The following BARX2 variants were observed in gnomAD, a reference collection of about 807,000 sequenced individuals.
BARX2 encodes homeobox protein BarH-like 2.
A neutral mutation model predicts 25.5 loss-of-function variants in BARX2; 11 were observed. That is an observed-to-expected ratio of 0.43 (90% CI 0.27 to 0.71). BARX2 has a LOEUF of 0.71. BARX2 is among the 30% of genes least tolerant of loss of function. BARX2 has a pLI of 0.19. For synonymous variants in BARX2, 137 were observed against 149.5 expected (o/e 0.92, Z 0.61); for missense variants, 360 against 359.9 (o/e 1.00, Z 0.00).
Position 129,376,630 on chromosome 11 carries a change from GC to G in BARX2, c.187+410del, listed in dbSNP as rs1205520617. On this transcript the variant is annotated intron_variant, in intron 1 of 3. Transcript: ENST00000281437. This position sits in a 1 kb window ranked among gnomAD's most constrained non-coding sequence, Gnocchi z 4.2. ...ATCTCACCTTGAGTTAACTTGTCCA[GC>G]CTCCTACTGTCTCCACTGTGAATTT... 2.0e-5 allele frequency among the ~76,000 whole-genome samples: 3 copies of G among 152,238 alleles called. No individual in the cohort carries two copies.
intron 3 of BARX2, among the ~76,000 whole-genome samples, chr11:129,445,899 C>T (rs927922058): frequency 6.6e-6 from 1 of 151,796 alleles, no homozygotes; most frequent in Non-Finnish European, 1.5e-5. Context: ...TGTTTAGGTA[C>T]CAGGGAGGAA....
intron 3 of BARX2, among the ~76,000 whole-genome samples, chr11:129,443,882 G>A (rs777359288): frequency 1.1e-4 from 16 of 152,052 alleles, no homozygotes; most frequent in Non-Finnish European, 2.2e-4. Context: ...AAGCCCTGCT[G>A]TTCTCTGGAG....
intron 1 of BARX2, among the ~76,000 whole-genome samples, chr11:129,426,346 A>C (rs1481198898): frequency 2.0e-5 from 3 of 150,736 alleles, no homozygotes; most frequent in African/African-American, 7.3e-5. Flanking sequence ...TACTTTAACC[A>C]CCCTGTATCT....
intron 1 of BARX2, among the ~76,000 whole-genome samples, chr11:129,409,600 A>G (rs1329828411): frequency 6.6e-6 from 1 of 152,212 alleles, no homozygotes; most frequent in African/African-American, 2.4e-5. Flanking sequence ...AAGAGCTGGT[A>G]AAGGTTAAGT....
intron 1 of BARX2, among the ~76,000 whole-genome samples, chr11:129,383,569 G>A (rs1197414653): frequency 6.6e-6 from 1 of 152,192 alleles, no homozygotes; most frequent in East Asian, 1.9e-4. Context: ...TCTGAAAAGG[G>A]CCCCTGCCAG....
At chr11:129,386,959 A>C (rs893871110) in intron 1 of BARX2, among the ~76,000 whole-genome samples, 1 of 152,212 alleles carries the variant, frequency 6.6e-6, no homozygotes, top group Non-Finnish European at 1.5e-5. Context: ...ATCTGTGGCC[A>C]GGGTGGCCAG....
chr11:129,410,495 T>C (rs1387555991), intron 1 of BARX2, among the ~76,000 whole-genome samples: 1 of 152,228 alleles, frequency 6.6e-6, no homozygotes, highest in Non-Finnish European at 1.5e-5. Context: ...TTTCCTCAGA[T>C]GTTTAGTGAC....
At chr11:129,447,732 G>A (rs1026520276) in intron 3 of BARX2, among the ~76,000 whole-genome samples, 1 of 152,176 alleles carries the variant, frequency 6.6e-6, no homozygotes, top group Non-Finnish European at 1.5e-5. Context: ...AACCGTGTGG[G>A]TGGTGTTCTC....
In BARX2 at chr11:129,386,223, T is replaced by G. The variant is rs555271073; in HGVS notation, c.187+10001T>G. Among the ~76,000 whole-genome samples, 8 of 152,362 alleles carry G rather than the reference T, an allele frequency of 5.3e-5. No individual in the cohort carries two copies. In the South Asian group the frequency reaches 1.4e-3, roughly 28 times the overall value. On this transcript the variant is annotated intron_variant, in intron 1 of 3. Transcript: ENST00000281437. ...AGAGAGTTGTCAGGGTTTTTCTGCTTCTTCTTACTGATGTTTAAAATCATT... is the reference window on the plus strand; with the variant it reads ...AGAGAGTTGTCAGGGTTTTTCTGCTGCTTCTTACTGATGTTTAAAATCATT...
intron 3 of BARX2, among the ~76,000 whole-genome samples, chr11:129,446,556 A>G (rs1862332078): frequency 6.6e-6 from 1 of 152,214 alleles, no homozygotes; most frequent in African/African-American, 2.4e-5. Context: ...CGTTATTATT[A>G]TCATTATTAG....
At chr11:129,404,540 T>C (rs1165679122) in intron 1 of BARX2, among the ~76,000 whole-genome samples, 4 of 152,264 alleles carry the variant, frequency 2.6e-5, no homozygotes, top group African/African-American at 9.6e-5. Context: ...TAACCTTTAG[T>C]TTGTCAGTTG....
At chr11:129,443,067 G>C (rs1862282468) in intron 3 of BARX2, 148 bp downstream of exon 3, 1 of 663,282 alleles carries the variant, frequency 1.5e-6, no homozygotes, top group Non-Finnish European at 2.7e-6. Flanking sequence ...GAAGCTGTTG[G>C]ATCTGTAGGT....
At chr11:129,395,110 A>G (rs1371361199) in intron 1 of BARX2, among the ~76,000 whole-genome samples, 1 of 152,168 alleles carries the variant, frequency 6.6e-6, no homozygotes, top group Non-Finnish European at 1.5e-5. Flanking sequence ...ATAATAATAT[A>G]TATTTTGTTG....
intron 1 of BARX2, among the ~76,000 whole-genome samples, chr11:129,397,221 C>G (rs1861729454): frequency 6.6e-6 from 1 of 151,098 alleles, no homozygotes; most frequent in African/African-American, 2.4e-5. Flanking sequence ...AAGTTCCAGA[C>G]TGCAGTGAGC....
Position 129,451,002 on chromosome 11 carries a change from A to C in BARX2, c.574-134A>C, listed in dbSNP as rs1862391833. Reference sequence around the variant, plus strand: ...GTAGACCAGAGGTGATGGGTTGAGAATATATTTTGCCAAATCCTGCAATTT... The same window carrying C: ...GTAGACCAGAGGTGATGGGTTGAGACTATATTTTGCCAAATCCTGCAATTT... On this transcript the variant is annotated intron_variant, in intron 3 of 3. Transcript: ENST00000281437. 2.3e-5 allele frequency: 24 copies of C among 1,065,704 alleles called. No homozygotes were observed. In the South Asian group the frequency reaches 3.1e-4, roughly 14 times the overall value. The allele number at this position is 1,065,704 out of a possible 1,614,324, so 66.0% of individuals were successfully genotyped here. A position where few individuals can be genotyped will look rare whatever the true frequency, so the allele number is the denominator to read the frequency against.
chr11:129,426,063 AGTTGG>A (rs1862058887), intron 1 of BARX2, among the ~76,000 whole-genome samples: 1 of 146,482 alleles, frequency 6.8e-6, no homozygotes, highest in Non-Finnish European at 1.5e-5. Context: ...TCAGCCTTTG[AGTTGG>A]CCTCTTAAAA....
chr11:129,376,535 C>T lies in BARX2; in HGVS notation c.187+313C>T, dbSNP rs139441346. Among the ~76,000 whole-genome samples the T allele has an allele frequency of 6.7e-3, 1,024 of 152,330 alleles. 6 individuals carry two copies. The highest frequency in any genetic ancestry group is 0.014 in the Middle Eastern group (4 of 294). On this transcript the variant is annotated intron_variant, in intron 1 of 3. Transcript: ENST00000281437. The surrounding 1 kb of genome is among the most constrained non-coding windows in gnomAD (Gnocchi z 4.2). ...GAAAGTTCAAACACTTGAGCAGGTT[C>T]AGCGTCTAAATCGTTGTTTCAGGAA...
intron 1 of BARX2, among the ~76,000 whole-genome samples, chr11:129,382,996 G>A (rs975151336): frequency 1.3e-5 from 2 of 152,280 alleles, no homozygotes; most frequent in Admixed American, 6.5e-5. Context: ...AGGATGGAAC[G>A]GTAGTTTCTT....
intron 1 of BARX2, among the ~76,000 whole-genome samples, chr11:129,433,180 G>T (rs974957886): frequency 3.9e-5 from 6 of 152,250 alleles, no homozygotes; most frequent in African/African-American, 7.2e-5. Context: ...TTGGTAAAGG[G>T]CACCATCCTT....
Sources: gnomAD v4.1 joint callset for allele counts (sites outside exome capture counted in the v4.1 genomes callset) on GRCh38, gnomAD v4.1.1 for gene constraint, Gnocchi (gnomAD v3.1) non-coding constraint, MANE v1.5 for transcripts, NCBI Gene and HGNC (gene_info 2026-07-23, HGNC 2026-07-21) for gene names.